The following LRRTM4 variants were observed in gnomAD, a reference collection of about 807,000 sequenced individuals.
LRRTM4 encodes leucine-rich repeat transmembrane neuronal protein 4.
A neutral mutation model predicts 47.6 loss-of-function variants in LRRTM4; 25 were observed. That is an observed-to-expected ratio of 0.53 (90% CI 0.38 to 0.73). The LOEUF (loss-of-function observed/expected upper bound fraction) is 0.73, where lower values mean the gene tolerates loss of function less well. Ranked by LOEUF, LRRTM4 falls within the 30% of genes least tolerant of loss-of-function variation. The pLI is 0.00. For synonymous variants in LRRTM4, 311 were observed against 269.5 expected, an observed-to-expected ratio of 1.15 and a Z score of -1.51; for missense variants, 638 against 713.4, an observed-to-expected ratio of 0.89 and a Z score of 1.20.
intron 3 of LRRTM4, among the ~76,000 whole-genome samples, chr2:77,182,480 A>G (rs1199564043): frequency 6.6e-6 from 1 of 152,086 alleles, no homozygotes; most frequent in Admixed American, 6.6e-5. Context: ...GCAGCAAACC[A>G]CCACGGCACA....
intron 3 of LRRTM4, among the ~76,000 whole-genome samples, chr2:77,164,208 CA>C (rs1332729643): frequency 1.3e-5 from 2 of 152,124 alleles, no homozygotes; most frequent in Admixed American, 6.5e-5. Context: ...TCAAAAGAGA[CA>C]AAGCAGGTCA....
intron 3 of LRRTM4, among the ~76,000 whole-genome samples, chr2:76,919,934 C>T (rs771013438): frequency 1.1e-4 from 16 of 152,080 alleles, no homozygotes; most frequent in Non-Finnish European, 2.1e-4. Flanking sequence ...CTACTTTTAA[C>T]AATCGGAAGA....
chr2:76,862,543 A>C (rs1053967782), intron 3 of LRRTM4, among the ~76,000 whole-genome samples: 2 of 152,208 alleles, frequency 1.3e-5, no homozygotes, highest in African/African-American at 2.4e-5. Flanking sequence ...GACTAGATAC[A>C]ATAACAATAG....
intron 3 of LRRTM4, among the ~76,000 whole-genome samples, chr2:76,861,332 T>A (rs942351343): frequency 2.6e-5 from 4 of 152,164 alleles, no homozygotes; most frequent in East Asian, 1.9e-4. Context: ...TAGTTTTTTT[T>A]AAACTGAGTC....
chr2:77,031,999 C>A (rs1678677049), intron 3 of LRRTM4, among the ~76,000 whole-genome samples: 1 of 152,048 alleles, frequency 6.6e-6, no homozygotes, highest in Non-Finnish European at 1.5e-5. Flanking sequence ...AATCAAAACA[C>A]TTTTTAAAGA....
At chr2:77,352,560 G>C (rs753772758) in intron 3 of LRRTM4, among the ~76,000 whole-genome samples, 1 of 152,020 alleles carries the variant, frequency 6.6e-6, no homozygotes, top group Non-Finnish European at 1.5e-5. Flanking sequence ...ATTGCTCCAG[G>C]TGTTTTCATT....
chr2:77,052,304 G>A (rs1679463026), intron 3 of LRRTM4, among the ~76,000 whole-genome samples: 1 of 151,810 alleles, frequency 6.6e-6, no homozygotes, highest in Admixed American at 6.6e-5. Flanking sequence ...GGGTAGCTGG[G>A]ATTACAGGCA....
At chr2:77,086,409 AGTGTGTGTAT>A (rs1374267099) in intron 3 of LRRTM4, among the ~76,000 whole-genome samples, 6 of 150,718 alleles carry the variant, frequency 4.0e-5, no homozygotes, top group South Asian at 2.1e-4. Flanking sequence ...AAACATTTTT[AGTGTGTGTAT>A]GTGTGTGTAT....
intron 3 of LRRTM4, among the ~76,000 whole-genome samples, chr2:76,800,344 C>T (rs1479419324): frequency 1.4e-5 from 2 of 142,314 alleles, no homozygotes; most frequent in African/African-American, 2.7e-5. Flanking sequence ...GAAAAACAAG[C>T]AATGGGGAAA....
intron 3 of LRRTM4, among the ~76,000 whole-genome samples, chr2:76,849,156 G>T (rs1458423726): frequency 6.6e-6 from 1 of 152,006 alleles, no homozygotes; most frequent in Non-Finnish European, 1.5e-5. Context: ...ATAGCTGATA[G>T]TTGCTGTGCT....
intron 3 of LRRTM4, among the ~76,000 whole-genome samples, chr2:76,797,392 A>C (rs1432671013): frequency 6.6e-6 from 1 of 152,134 alleles, no homozygotes; most frequent in African/African-American, 2.4e-5. Flanking sequence ...GAGAAATGAA[A>C]TACTTTACAG....
At chr2:77,368,514 A>C (rs956437660) in intron 3 of LRRTM4, among the ~76,000 whole-genome samples, 1 of 151,844 alleles carries the variant, frequency 6.6e-6, no homozygotes, top group South Asian at 2.1e-4. Context: ...GGATAGTTCA[A>C]TATTCCTATT....
chr2:76,847,965 T>C (rs1671886353), intron 3 of LRRTM4, among the ~76,000 whole-genome samples: 1 of 152,114 alleles, frequency 6.6e-6, no homozygotes, highest in Non-Finnish European at 1.5e-5. Context: ...GAAGATCTAC[T>C]AGCCAATAAT....
intron 3 of LRRTM4, among the ~76,000 whole-genome samples, chr2:76,894,388 A>G (rs937924710): frequency 1.3e-5 from 2 of 152,084 alleles, no homozygotes; most frequent in Non-Finnish European, 2.9e-5. Flanking sequence ...ATAATCTACT[A>G]TATCTAGCTA....
At chr2:76,789,211 C>T (rs1349399583) in intron 3 of LRRTM4, among the ~76,000 whole-genome samples, 7 of 152,290 alleles carry the variant, frequency 4.6e-5, no homozygotes, top group African/African-American at 1.7e-4. Flanking sequence ...GTTTTCTTCA[C>T]ACCAAGGCAC....
At chr2:76,937,234 A>G (rs918349311) in intron 3 of LRRTM4, among the ~76,000 whole-genome samples, 7 of 152,182 alleles carry the variant, frequency 4.6e-5, no homozygotes, top group South Asian at 4.1e-4. Flanking sequence ...AGCTTTAGCC[A>G]TAAGTAGGAG....
chr2:76,973,356 T>C (rs1288055029), intron 3 of LRRTM4, among the ~76,000 whole-genome samples: 1 of 152,036 alleles, frequency 6.6e-6, no homozygotes, highest in Non-Finnish European at 1.5e-5. Context: ...TAGCTAACTT[T>C]TTGTCTATTT....
intron 3 of LRRTM4, among the ~76,000 whole-genome samples, chr2:77,236,376 C>T (rs1315560064): frequency 6.6e-6 from 1 of 151,976 alleles, no homozygotes; most frequent in Non-Finnish European, 1.5e-5. Flanking sequence ...TATTCTGATA[C>T]ATCAGTGAAG....
At chr2:77,456,210 A>G (rs1676534614) in intron 3 of LRRTM4, among the ~76,000 whole-genome samples, 1 of 152,168 alleles carries the variant, frequency 6.6e-6, no homozygotes, top group Non-Finnish European at 1.5e-5. Context: ...TAAATTCCTG[A>G]CGCAGTCTAC....
Sources: gnomAD v4.1 joint callset for allele counts (sites outside exome capture counted in the v4.1 genomes callset) on GRCh38, gnomAD v4.1.1 for gene constraint, MANE v1.5 for transcripts, NCBI Gene and HGNC (gene_info 2026-07-23, HGNC 2026-07-21) for gene names.